The following MAD1L1 variants were observed in gnomAD, a reference collection of about 807,000 sequenced individuals.
The protein encoded by MAD1L1 is mitotic arrest deficient 1 like 1, also known as mitotic spindle assembly checkpoint protein MAD1.
A neutral mutation model predicts 96.9 loss-of-function variants in MAD1L1; 95 were observed. That is an observed-to-expected ratio of 0.98 (90% confidence interval 0.83 to 1.16). MAD1L1 has a LOEUF of 1.16. Among genes scored for constraint, MAD1L1 ranks in the 50% most tolerant of loss-of-function variants. The probability of loss-of-function intolerance (pLI) is 0.00; values close to 1 mark genes in which losing one functional copy is unlikely to be tolerated. For synonymous variants in MAD1L1, 473 were observed against 396.6 expected, an observed-to-expected ratio of 1.19 and a Z score of -2.29; for missense variants, 1,007 against 954.4, an observed-to-expected ratio of 1.06 and a Z score of -0.73.
chr7:2,205,122 A>G (rs1229669877), intron 10 of MAD1L1, among the ~76,000 whole-genome samples: 1 of 138,970 alleles, frequency 7.2e-6, no homozygotes, highest in East Asian at 2.1e-4. Flanking sequence ...ATTCTAATAC[A>G]GAGGCCAAGA....
intron 17 of MAD1L1, among the ~76,000 whole-genome samples, chr7:1,923,915 C>A (rs1478471979): frequency 6.6e-6 from 1 of 152,192 alleles, no homozygotes; most frequent in African/African-American, 2.4e-5. Flanking sequence ...CTGGGAAACT[C>A]GGCAAAGAGC....
intron 18 of MAD1L1, among the ~76,000 whole-genome samples, chr7:1,819,759 A>C (rs1240935367): frequency 6.6e-6 from 1 of 151,916 alleles, no homozygotes; most frequent in Non-Finnish European, 1.5e-5. Context: ...AGCGCACACC[A>C]CCAACTCTCT....
intron 13 of MAD1L1, among the ~76,000 whole-genome samples, chr7:2,004,106 AC>A (rs1172061790): frequency 3.3e-5 from 5 of 152,032 alleles, no homozygotes; most frequent in Non-Finnish European, 4.4e-5. Flanking sequence ...TGCAGTCCAC[AC>A]TCAGGCTCTC....
At chr7:2,231,803 G>C (rs1794205953) in intron 1 of MAD1L1, among the ~76,000 whole-genome samples, 2 of 151,986 alleles carry the variant, frequency 1.3e-5, no homozygotes, top group African/African-American at 4.8e-5. Flanking sequence ...TCCGAGCACC[G>C]AGACTTCTTG....
At chr7:1,841,840 C>G (rs1783280187) in intron 18 of MAD1L1, among the ~76,000 whole-genome samples, 1 of 152,228 alleles carries the variant, frequency 6.6e-6, no homozygotes. Flanking sequence ...TCGCTTCTGC[C>G]CTCGCATGAG....
chr7:2,132,311 C>T (rs1480012006), intron 11 of MAD1L1, among the ~76,000 whole-genome samples: 2 of 152,216 alleles, frequency 1.3e-5, no homozygotes, highest in Non-Finnish European at 2.9e-5. Context: ...ACAGTGGACA[C>T]GTGGGCTCAC....
At chr7:1,870,330 CGGTGAACCTACCGTAACACCTGCCAT>C (rs1784990252) in intron 18 of MAD1L1, among the ~76,000 whole-genome samples, 1 of 147,692 alleles carries the variant, frequency 6.8e-6, no homozygotes, top group African/African-American at 2.5e-5. Flanking sequence ...ACGCCTGCCA[CGGTGAACCTACCGTAACACCTGCCAT>C]GCTGAACCCA....
rs371701711 is a variant in MAD1L1 at position 2,133,247 on chromosome 7, G to A, written c.1073+15905C>T. ...TGAGCATCTCCTCATGTGCTTCTCC[G>A]TCACCCACGTGTCTGCTTTGGTGAG... On this transcript the variant is annotated intron_variant, in intron 11 of 18. Transcript: ENST00000265854. 8.3e-4 allele frequency among the ~76,000 whole-genome samples: 109 copies of A among 131,198 alleles called. 1 individual carries two copies. The South Asian group carries it at 0.021, about 26-fold the overall frequency. The allele number at this position is 131,198 out of a possible 152,430, so 86.1% of individuals were successfully genotyped here.
At chr7:1,997,670 G>C (rs1781617019) in intron 14 of MAD1L1, among the ~76,000 whole-genome samples, 1 of 152,264 alleles carries the variant, frequency 6.6e-6, no homozygotes, top group Non-Finnish European at 1.5e-5. Context: ...ACACAGAGAA[G>C]GGGCAACCTG....
chr7:2,162,708 C>CAAAAAAAAAAAA (rs200992128), intron 10 of MAD1L1, among the ~76,000 whole-genome samples: 1 of 96,540 alleles, frequency 1.0e-5, no homozygotes, highest in African/African-American at 3.5e-5. Context: ...CCACCACTCA[C>CAAAAAAAAAAAA]AAAAAAAAAA....
intron 10 of MAD1L1, among the ~76,000 whole-genome samples, chr7:2,209,518 G>C (rs1328540686): frequency 3.3e-5 from 5 of 152,194 alleles, no homozygotes; most frequent in African/African-American, 1.2e-4. Flanking sequence ...AGGAACAGTG[G>C]CCACAAGCCC....
At chr7:2,172,270 C>T (rs931440769) in intron 10 of MAD1L1, among the ~76,000 whole-genome samples, 15 of 152,152 alleles carry the variant, frequency 9.9e-5, no homozygotes, top group African/African-American at 2.4e-5. Flanking sequence ...CCTTCCCATT[C>T]AACAGACAAG....
At chr7:1,870,116 C>T (rs1784974580) in intron 18 of MAD1L1, among the ~76,000 whole-genome samples, 1 of 152,070 alleles carries the variant, frequency 6.6e-6, no homozygotes, top group Non-Finnish European at 1.5e-5. Flanking sequence ...CGAGCCGCTG[C>T]CCAGAACTGT....
intron 15 of MAD1L1, among the ~76,000 whole-genome samples, chr7:1,975,395 T>C (rs919457052): frequency 1.3e-5 from 2 of 152,052 alleles, no homozygotes; most frequent in South Asian, 2.1e-4. Flanking sequence ...TTCTCCACGG[T>C]GGGCAGCAGG....
chr7:2,103,848 T>C lies in MAD1L1; in HGVS notation c.1074-34510A>G, dbSNP rs56236532. 0.027 allele frequency among the ~76,000 whole-genome samples: 4,151 copies of C among 152,110 alleles called. 98 individuals carry two copies. Among genetic ancestry groups the C allele is most frequent in the South Asian group, 0.09 (434 of 4,808 alleles). ...ACAGGTGGTGTCCGGACTCTGGAGA[T>C]GGGGTGGGAAAAGGCAAGGAATGCG... On this transcript the variant is annotated intron_variant, in intron 11 of 18. Transcript: ENST00000265854. The surrounding 1 kb of genome is among the most constrained non-coding windows in gnomAD (Gnocchi z 4.3).
intron 17 of MAD1L1, among the ~76,000 whole-genome samples, chr7:1,935,473 C>T (rs1374829573): frequency 6.6e-6 from 1 of 152,210 alleles, no homozygotes; most frequent in African/African-American, 2.4e-5. Flanking sequence ...AGCCACTAAG[C>T]CCCTACCTGC....
intron 18 of MAD1L1, among the ~76,000 whole-genome samples, chr7:1,862,330 A>G (rs925522307): frequency 6.6e-6 from 1 of 152,238 alleles, no homozygotes; most frequent in South Asian, 2.1e-4. Context: ...GGGAGGCAGA[A>G]GCAGCCACAG....
At chr7:1,983,144 GCGCGCGCGCGCA>G (rs753316394) in intron 14 of MAD1L1, among the ~76,000 whole-genome samples, 854 of 48,170 alleles carry the variant, frequency 0.018, 4 homozygotes, top group Non-Finnish European at 0.025. Context: ...GCGCGCGCGC[GCGCGCGCGCGCA>G]CACACACACA....
intron 18 of MAD1L1, among the ~76,000 whole-genome samples, chr7:1,870,326 G>T (rs1408508968): frequency 1.3e-5 from 2 of 148,512 alleles, no homozygotes; most frequent in African/African-American, 5.0e-5. Context: ...ACATACGCCT[G>T]CCACGGTGAA....
Sources: allele counts gnomAD v4.1 joint callset (sites outside exome capture counted in the v4.1 genomes callset), GRCh38; gene constraint gnomAD v4.1.1; non-coding constraint Gnocchi (gnomAD v3.1); transcripts MANE v1.5; gene names NCBI Gene and HGNC (gene_info 2026-07-23, HGNC 2026-07-21).